Variants in LRP6 observed in about 807,000 individuals in gnomAD.
LRP6 encodes the protein low-density lipoprotein receptor-related protein 6.
Under a neutral mutation model 184.1 loss-of-function variants are expected in LRP6, and 43 were observed. That is an observed-to-expected ratio of 0.23 (90% CI 0.18 to 0.30). The LOEUF is 0.30. Among genes scored for constraint, LRP6 ranks in the 10% least tolerant of loss-of-function variants. The probability of loss-of-function intolerance (pLI) is 1.00; values close to 1 mark genes in which losing one functional copy is unlikely to be tolerated. For synonymous variants in LRP6, 719 were observed against 684.9 expected, an observed-to-expected ratio of 1.05 and a Z score of -0.78; for missense variants, 1,571 against 2,005.3, an observed-to-expected ratio of 0.78 and a Z score of 4.14.
intron 1 of LRP6, among the ~76,000 whole-genome samples, chr12:12,261,321 T>C (rs1202747089): frequency 6.7e-6 from 1 of 150,060 alleles, no homozygotes; most frequent in African/African-American, 2.5e-5. Flanking sequence ...GAGAATGGCG[T>C]GAACCCGGGA....
At chr12:12,173,635 G>A (rs535772881) in intron 7 of LRP6, among the ~76,000 whole-genome samples, 43 of 152,012 alleles carry the variant, frequency 2.8e-4, no homozygotes, top group East Asian at 7.7e-4. Context: ...GCACTACCAC[G>A]CCCAGCTAAT....
At chr12:12,133,567 A>G (rs141483420) in intron 17 of LRP6, among the ~76,000 whole-genome samples, 24 of 152,234 alleles carry the variant, frequency 1.6e-4, no homozygotes, top group African/African-American at 5.3e-4. Context: ...CTTTTTCTTT[A>G]TAAGTTACCC....
chr12:12,216,888 T>G (rs1443798865), intron 2 of LRP6, among the ~76,000 whole-genome samples: 1 of 151,386 alleles, frequency 6.6e-6, no homozygotes, highest in Non-Finnish European at 1.5e-5. Context: ...TTTCCTTACT[T>G]TCAGCATGAA....
intron 2 of LRP6, among the ~76,000 whole-genome samples, chr12:12,222,575 A>AAAAAAAG (rs1864519573): frequency 6.7e-6 from 1 of 148,574 alleles, no homozygotes; most frequent in South Asian, 2.1e-4. Context: ...TCAAAAAAAA[A>AAAAAAAG]AAAGAAAGAA....
Position 12,210,321 on chromosome 12 carries a change from T to C in LRP6, c.450-6921A>G, listed in dbSNP as rs368241532. ...CTCCCAAGATTTACAAATGTGAATG[T>C]GTGTGTATTGGTGTCATTCAACATA... On this transcript the variant is annotated intron_variant, in intron 2 of 22. Transcript: ENST00000261349. Among the ~76,000 whole-genome samples, 9 of 152,304 alleles carry C rather than the reference T, an allele frequency of 5.9e-5. No individual in the cohort carries two copies. The East Asian group carries it at 1.2e-3, about 20-fold the overall frequency.
chr12:12,150,689 A>T, intron 13 of LRP6, 147 bp downstream of exon 13: 1 of 813,276 alleles, frequency 1.2e-6, no homozygotes, highest in East Asian at 2.5e-5. Context: ...CGTCAGAAGG[A>T]AAAAATAAGC....
intron 2 of LRP6, among the ~76,000 whole-genome samples, chr12:12,231,243 TG>T (rs1314965678): frequency 7.2e-6 from 1 of 137,996 alleles, no homozygotes; most frequent in Non-Finnish European, 1.5e-5. Flanking sequence ...ATGACGACCC[TG>T]GATTTTCTGA....
chr12:12,204,685 G>A (rs1477266381), intron 2 of LRP6, among the ~76,000 whole-genome samples: 2 of 152,116 alleles, frequency 1.3e-5, no homozygotes, highest in Non-Finnish European at 2.9e-5. Context: ...CACTTTGGGA[G>A]GTCGAGGCAC....
At position 12,222,999 on chromosome 12, in the gene LRP6, C is replaced by G. The variant is rs1421147171; in HGVS notation, c.450-19599G>C. On this transcript the variant is annotated intron_variant, in intron 2 of 22. Coordinates refer to ENST00000261349, the MANE Select transcript of LRP6 (RefSeq NM_002336.3). ...TTATATTTTACTCTATTCTCTGAAG[C>G]CAAAATTATAGATGACACAGTCCAA... Among the ~76,000 whole-genome samples the G allele has an allele frequency of 2.0e-5, 3 of 151,932 alleles. No individual in the cohort carries two copies. The South Asian group carries it at 6.2e-4, about 32-fold the overall frequency.
intron 2 of LRP6, among the ~76,000 whole-genome samples, chr12:12,208,948 C>T (rs1864137804): frequency 2.0e-5 from 3 of 152,160 alleles, no homozygotes; most frequent in African/African-American, 2.4e-5. Context: ...GTCCACAGCA[C>T]ACTTCATTAG....
chr12:12,174,579 A>G (rs543523422), intron 7 of LRP6, among the ~76,000 whole-genome samples: 90 of 152,344 alleles, frequency 5.9e-4, no homozygotes, highest in Non-Finnish European at 2.8e-4. Flanking sequence ...AACAGTAAAA[A>G]AAATTATCAA....
chr12:12,200,957 A>T (rs1863898895), intron 3 of LRP6, among the ~76,000 whole-genome samples: 1 of 152,006 alleles, frequency 6.6e-6, no homozygotes, highest in Non-Finnish European at 1.5e-5. Context: ...TTTTTCCTTT[A>T]TAATAACTTT....
chr12:12,164,222 G>A, intron 9 of LRP6, 51 bp downstream of exon 9: 1 of 1,538,278 alleles, frequency 6.5e-7, no homozygotes, highest in South Asian at 1.1e-5. Flanking sequence ...AGAAATTCTA[G>A]AAGTTCTCCC....
intron 2 of LRP6, among the ~76,000 whole-genome samples, chr12:12,218,333 C>G (rs1864400799): frequency 6.6e-6 from 1 of 151,858 alleles, no homozygotes; most frequent in Non-Finnish European, 1.5e-5. Flanking sequence ...AAAAATTTGC[C>G]TGGTGTGGTG....
At chr12:12,126,298 G>C (rs912380256) in intron 20 of LRP6, among the ~76,000 whole-genome samples, 8 of 152,152 alleles carry the variant, frequency 5.3e-5, no homozygotes, top group Admixed American at 2.6e-4. Context: ...TGGCTGAAGG[G>C]AATCTTATAT....
intron 7 of LRP6, among the ~76,000 whole-genome samples, chr12:12,171,544 T>C (rs1863045777): frequency 7.1e-6 from 1 of 140,236 alleles, no homozygotes; most frequent in Admixed American, 6.9e-5. Flanking sequence ...AATAAATAAA[T>C]AAATAAATAA....
chr12:12,144,144 T>G lies in LRP6; in HGVS notation c.3397+3222A>C, dbSNP rs552809623. Among the ~76,000 whole-genome samples the G allele has an allele frequency of 5.3e-4, 81 of 152,360 alleles. 1 individual carries two copies. The highest frequency in any genetic ancestry group is 7.6e-4 in the Non-Finnish European group (52 of 68,030). ...TGGGAGATTTATGCAGTATATATCT[T>G]GACAAAGGATTCATATCTAGAATGT... On this transcript the variant is annotated intron_variant, in intron 15 of 22. Coordinates refer to ENST00000261349, the MANE Select transcript of LRP6 (RefSeq NM_002336.3).
At chr12:12,123,617 G>A (rs2136835843) in intron 22 of LRP6, among the ~76,000 whole-genome samples, 1 of 152,190 alleles carries the variant, frequency 6.6e-6, no homozygotes, top group Middle Eastern at 3.4e-3. Flanking sequence ...TGTGTAGATA[G>A]AAACTCTCAA....
chr12:12,132,714 TA>T (rs1472429695), intron 17 of LRP6, among the ~76,000 whole-genome samples: 3 of 152,136 alleles, frequency 2.0e-5, no homozygotes, highest in Admixed American at 1.3e-4. Flanking sequence ...GATGAATCAA[TA>T]AAAAATTATA....
Sources: allele counts gnomAD v4.1 joint callset (sites outside exome capture counted in the v4.1 genomes callset), GRCh38; gene constraint gnomAD v4.1.1; transcripts MANE v1.5; gene names NCBI Gene and HGNC (gene_info 2026-07-23, HGNC 2026-07-21).